Variants in DST observed in about 807,000 individuals in gnomAD.
DST encodes the protein dystonin, also known as bullous pemphigoid antigen.
Under a neutral mutation model 875.2 loss-of-function variants are expected in DST, and 253 were observed. That is an observed-to-expected ratio of 0.29 (90% CI 0.26 to 0.32). The LOEUF (loss-of-function observed/expected upper bound fraction) is 0.32. DST is among the 10% of genes least tolerant of loss of function. DST has a pLI of 1.00. For missense variants in DST, 8,287 were observed against 9,111.6 expected (o/e 0.91, Z 3.68); for synonymous variants, 3,124 against 3,197.1 (o/e 0.98, Z 0.77).
chr6:56,678,552 T>C (rs1055761436), intron 9 of DST, among the ~76,000 whole-genome samples: 2 of 152,220 alleles, frequency 1.3e-5, no homozygotes, highest in African/African-American at 2.4e-5. Context: ...TATTATAATA[T>C]GTATATTTCA....
intron 72 of DST, 138 bp from the exon 73 acceptor site, chr6:56,511,538 C>T: frequency 1.5e-6 from 1 of 658,600 alleles, no homozygotes; most frequent in Non-Finnish European, 2.6e-6. Flanking sequence ...CACATGATGG[C>T]TCATACAGCT....
rs140921524 is a variant in DST at position 56,615,671 on chromosome 6, T to C, written c.4930-1187A>G. On this transcript the variant is annotated intron_variant, in intron 36 of 103. Transcript: ENST00000680361. ...CTGAGGGCATATTATATTTCTGACA[T>C]ATGACTTTTGATCTTTGAGTTTTGT... is the stretch of plus-strand genomic sequence containing the variant. 1.9e-6 allele frequency: 3 copies of C among 1,614,152 alleles called. No homozygotes were observed. The highest frequency in any genetic ancestry group is 2.5e-6 in the Non-Finnish European group (3 of 1,179,990).
intron 49 of DST, among the ~76,000 whole-genome samples, chr6:56,583,942 A>G (rs1236519334): frequency 6.6e-6 from 1 of 152,128 alleles, no homozygotes; most frequent in Non-Finnish European, 1.5e-5. Flanking sequence ...GTTCTGTTCC[A>G]TTGATCTATA....
intron 10 of DST, among the ~76,000 whole-genome samples, chr6:56,659,224 G>A (rs1478729408): frequency 6.6e-6 from 1 of 152,182 alleles, no homozygotes; most frequent in African/African-American, 2.4e-5. Context: ...GAGATATTGA[G>A]AAAGTCAAAT....
intron 15 of DST, chr6:56,642,811 T>G: frequency 6.2e-7 from 1 of 1,613,464 alleles, no homozygotes; most frequent in East Asian, 2.2e-5. Context: ...AACGATGTTC[T>G]TTCTTTCACC....
chr6:56,642,908 T>C, intron 15 of DST: 1 of 1,555,598 alleles, frequency 6.4e-7, no homozygotes, highest in Non-Finnish European at 8.6e-7. Flanking sequence ...CAGCTTTTAG[T>C]GGCTCCTTAA....
At chr6:56,824,767 C>G (rs888786605) in intron 4 of DST, among the ~76,000 whole-genome samples, 1 of 151,250 alleles carries the variant, frequency 6.6e-6, no homozygotes, top group African/African-American at 2.4e-5. Flanking sequence ...TCCCTCCGCC[C>G]GGCAGCTGCC....
At chr6:56,868,311 C>T (rs1352013609) in intron 3 of DST, among the ~76,000 whole-genome samples, 1 of 152,128 alleles carries the variant, frequency 6.6e-6, no homozygotes, top group Non-Finnish European at 1.5e-5. Flanking sequence ...GGCCTTATTT[C>T]CTTAAAACAA....
chr6:56,484,367 A>T (rs2095495475), intron 88 of DST: 1 of 151,780 alleles, frequency 6.6e-6, no homozygotes, highest in Admixed American at 6.6e-5. Context: ...TTCACTTTTC[A>T]GGTGTAACAA....
chr6:56,695,190 C>CCTCCTT lies in DST; in HGVS notation c.1047+4457_1047+4462dup, dbSNP rs1189469577. 5.3e-5 allele frequency among the ~76,000 whole-genome samples: 8 copies of CCTCCTT among 150,792 alleles called. No homozygotes were observed. In the South Asian group the frequency reaches 1.7e-3, roughly 32 times the overall value. On this transcript the variant is annotated intron_variant, in intron 9 of 103. Coordinates refer to ENST00000680361, the MANE Select transcript of DST (RefSeq NM_001374736.1). ...CAGCCTGGTACCTCCTACCCCTCCT[C>CCTCCTT]CTCCTTCTCTCTCTCTCTTACCATG...
chr6:56,615,914 C>T (rs771119041), intron 36 of DST: 21 of 1,614,192 alleles, frequency 1.3e-5, no homozygotes, highest in Middle Eastern at 3.3e-4. Context: ...TTCACACTGT[C>T]GCAGCTGCTG....
intron 4 of DST, among the ~76,000 whole-genome samples, chr6:56,812,096 T>A (rs1488300572): frequency 5.9e-5 from 1 of 16,982 alleles, no homozygotes; most frequent in South Asian, 2.6e-3. Flanking sequence ...AAAGAGACTC[T>A]GACTCAAAAA....
intron 63 of DST, among the ~76,000 whole-genome samples, chr6:56,533,279 A>G (rs1433828357): frequency 6.6e-6 from 1 of 152,220 alleles, no homozygotes; most frequent in African/African-American, 2.4e-5. Context: ...CTCTAATCTA[A>G]TCAAACAAAT....
At chr6:56,884,498 T>C (rs1783701745) in intron 3 of DST, among the ~76,000 whole-genome samples, 1 of 152,228 alleles carries the variant, frequency 6.6e-6, no homozygotes, top group Admixed American at 6.5e-5. Flanking sequence ...TTGTATACTT[T>C]CATCAGGAGA....
At chr6:56,707,269 A>G (rs2099344900) in intron 5 of DST, among the ~76,000 whole-genome samples, 1 of 152,342 alleles carries the variant, frequency 6.6e-6, no homozygotes, top group South Asian at 2.1e-4. Flanking sequence ...GCTAAGGCCT[A>G]CTTAAAAACA....
At chr6:56,875,919 T>G (rs1184792722) in intron 3 of DST, among the ~76,000 whole-genome samples, 1 of 152,206 alleles carries the variant, frequency 6.6e-6, no homozygotes, top group Non-Finnish European at 1.5e-5. Flanking sequence ...CTTTTCTAGG[T>G]GCCCTTTGAA....
intron 36 of DST, chr6:56,619,454 G>T: frequency 6.2e-7 from 1 of 1,611,710 alleles, no homozygotes; most frequent in South Asian, 1.1e-5. Flanking sequence ...TAGATGATCT[G>T]ATTTTCTCTG....
chr6:56,772,149 T>C (rs1420540501), intron 4 of DST, among the ~76,000 whole-genome samples: 1 of 152,224 alleles, frequency 6.6e-6, no homozygotes, highest in Non-Finnish European at 1.5e-5. Flanking sequence ...AATCTCAACT[T>C]TTAAAATAGG....
intron 82 of DST, among the ~76,000 whole-genome samples, chr6:56,494,588 T>C (rs2095850439): frequency 6.6e-6 from 1 of 152,112 alleles, no homozygotes; most frequent in African/African-American, 2.4e-5. Flanking sequence ...ATACAATGAA[T>C]GTAGTATTTC....
Sources: gnomAD v4.1 joint callset for allele counts (sites outside exome capture counted in the v4.1 genomes callset) on GRCh38, gnomAD v4.1.1 for gene constraint, MANE v1.5 for transcripts, NCBI Gene and HGNC (gene_info 2026-07-23, HGNC 2026-07-21) for gene names.